CSMD3: variants seen among roughly 807,000 people sequenced by gnomAD.
CSMD3 encodes CUB and sushi domain-containing protein 3.
In CSMD3, 177 loss-of-function variants were observed where a neutral mutation model predicts 435.2. The ratio of observed to expected loss-of-function variants is 0.41; its 90% CI spans 0.36 to 0.46. The LOEUF is 0.46. Among genes scored for constraint, CSMD3 ranks in the 20% least tolerant of loss-of-function variants. The probability of loss-of-function intolerance (pLI) is 0.34; values close to 1 mark genes in which losing one functional copy is unlikely to be tolerated. For missense variants in CSMD3, 4,265 were observed against 4,504.6 expected, an observed-to-expected ratio of 0.95 and a Z score of 1.52; for synonymous variants, 1,656 against 1,520.5, an observed-to-expected ratio of 1.09 and a Z score of -2.07.
At chr8:112,382,744 C>CT (rs927660232) in intron 37 of CSMD3, among the ~76,000 whole-genome samples, 5 of 152,306 alleles carry the variant, frequency 3.3e-5, no homozygotes, top group African/African-American at 1.2e-4. Context: ...AATCTCAGCA[C>CT]TTTGGGAGGC....
chr8:112,827,692 C>G (rs2079739275), intron 12 of CSMD3, among the ~76,000 whole-genome samples: 3 of 152,096 alleles, frequency 2.0e-5, no homozygotes, highest in African/African-American at 7.2e-5. Context: ...TATTCACTTG[C>G]AAAACAATGA....
At chr8:113,291,801 C>G (rs960815213) in intron 2 of CSMD3, among the ~76,000 whole-genome samples, 1 of 151,642 alleles carries the variant, frequency 6.6e-6, no homozygotes, top group African/African-American at 2.4e-5. Flanking sequence ...GGTGTGTATT[C>G]TACACAAAAA....
At chr8:112,972,996 T>C (rs964155269) in intron 7 of CSMD3, among the ~76,000 whole-genome samples, 3 of 151,926 alleles carry the variant, frequency 2.0e-5, no homozygotes, top group South Asian at 4.1e-4. Context: ...AGAGTATCCT[T>C]AGGGAGAAAA....
chr8:112,707,597 A>G (rs1479229914), intron 13 of CSMD3, among the ~76,000 whole-genome samples: 1 of 151,926 alleles, frequency 6.6e-6, no homozygotes, highest in Non-Finnish European at 1.5e-5. Flanking sequence ...CAACAATATA[A>G]TACTAGGTCT....
At chr8:112,577,214 C>T (rs866044955) in intron 23 of CSMD3, among the ~76,000 whole-genome samples, 6 of 151,996 alleles carry the variant, frequency 3.9e-5, no homozygotes, top group Non-Finnish European at 8.8e-5. Flanking sequence ...CTATTTAACT[C>T]ATAAATAAAA....
At chr8:112,645,315 C>T (rs996828469) in intron 19 of CSMD3, 90 bp from the exon 20 acceptor site, 12 of 798,874 alleles carry the variant, frequency 1.5e-5, no homozygotes, top group South Asian at 6.8e-5. Context: ...ATTGAGCAGT[C>T]GCATTATCTT....
chr8:112,634,287 A>G (rs549401490), intron 22 of CSMD3, among the ~76,000 whole-genome samples: 130 of 152,178 alleles, frequency 8.5e-4, no homozygotes, highest in African/African-American at 3.0e-3. Flanking sequence ...TGTGTTTAGA[A>G]TCAGAAATTC....
At chr8:112,425,920 A>C (rs1407641968) in intron 32 of CSMD3, among the ~76,000 whole-genome samples, 2 of 152,222 alleles carry the variant, frequency 1.3e-5, no homozygotes, top group Non-Finnish European at 2.9e-5. Flanking sequence ...TAATGGGAAG[A>C]AACACACACT....
chr8:112,681,403 A>G (rs2075891003), intron 16 of CSMD3, among the ~76,000 whole-genome samples: 1 of 152,040 alleles, frequency 6.6e-6, no homozygotes, highest in South Asian at 2.1e-4. Context: ...ACTATAGTGG[A>G]AGGAGAAATT....
At chr8:113,074,807 T>A (rs2089272962) in intron 5 of CSMD3, among the ~76,000 whole-genome samples, 1 of 151,858 alleles carries the variant, frequency 6.6e-6, no homozygotes, top group South Asian at 2.1e-4. Flanking sequence ...CCAGTAAGGT[T>A]AATTTCAAGG....
At chr8:113,397,865 T>TAAATAAAGAAAGAAAG (rs1019972589) in intron 1 of CSMD3, among the ~76,000 whole-genome samples, 1 of 134,038 alleles carries the variant, frequency 7.5e-6, no homozygotes, top group African/African-American at 2.9e-5. Flanking sequence ...AATAAATAAA[T>TAAATAAAGAAAGAAAG]AAAGAACACA....
chr8:113,066,108 A>G (rs1247947438), intron 5 of CSMD3, among the ~76,000 whole-genome samples: 2 of 149,790 alleles, frequency 1.3e-5, no homozygotes, highest in Admixed American at 6.6e-5. Context: ...TCTTGTCTCA[A>G]GGTCAAAGAC....
intron 12 of CSMD3, among the ~76,000 whole-genome samples, chr8:112,826,947 T>C (rs1227287011): frequency 1.3e-5 from 2 of 151,768 alleles, no homozygotes; most frequent in South Asian, 2.1e-4. Context: ...AGGATATCAA[T>C]TGGTACATCA....
At chr8:112,597,543 A>C (rs951173776) in intron 22 of CSMD3, among the ~76,000 whole-genome samples, 1 of 121,680 alleles carries the variant, frequency 8.2e-6, no homozygotes, top group African/African-American at 3.4e-5. Flanking sequence ...CTGATACCAA[A>C]GCCAGGCAGA....
chr8:113,420,486 C>G (rs934587241), intron 1 of CSMD3, among the ~76,000 whole-genome samples: 3 of 151,520 alleles, frequency 2.0e-5, no homozygotes, highest in African/African-American at 7.3e-5. Flanking sequence ...GCAAAGGAAA[C>G]AAAATAGAAG....
At chr8:113,193,806 A>C (rs1225963139) in intron 3 of CSMD3, among the ~76,000 whole-genome samples, 1 of 151,430 alleles carries the variant, frequency 6.6e-6, no homozygotes, top group Non-Finnish European at 1.5e-5. Context: ...ATCTAAAAGA[A>C]TTATTTCTTG....
chr8:112,815,759 C>T (rs2079357962), intron 12 of CSMD3, among the ~76,000 whole-genome samples: 3 of 152,044 alleles, frequency 2.0e-5, no homozygotes, highest in African/African-American at 7.2e-5. Flanking sequence ...GGGAAATCAT[C>T]AGTTTTTTAA....
intron 1 of CSMD3, among the ~76,000 whole-genome samples, chr8:113,390,154 C>G (rs1324158147): frequency 6.6e-6 from 1 of 151,726 alleles, no homozygotes; most frequent in African/African-American, 2.4e-5. Flanking sequence ...CCATTCTTTC[C>G]ACTTATAGTG....
At chr8:112,365,965 G>A (rs1011262181) in intron 38 of CSMD3, among the ~76,000 whole-genome samples, 2 of 152,128 alleles carry the variant, frequency 1.3e-5, no homozygotes, top group Admixed American at 6.5e-5. Flanking sequence ...AGCTGCAGAC[G>A]AGAACAAAGC....
Sources: allele counts gnomAD v4.1 joint callset (sites outside exome capture counted in the v4.1 genomes callset), GRCh38; gene constraint gnomAD v4.1.1; transcripts MANE v1.5; gene names NCBI Gene and HGNC (gene_info 2026-07-23, HGNC 2026-07-21).